Variants in PARD3B observed in about 807,000 individuals in gnomAD.
PARD3B encodes par-3 family cell polarity regulator beta, also known as partitioning defective 3 homolog B.
PARD3B carries 103 observed loss-of-function variants against 130.2 expected under a neutral mutation model. The ratio of observed to expected loss-of-function variants is 0.79; its 90% CI spans 0.67 to 0.93. The LOEUF is 0.93. Among genes scored for constraint, PARD3B ranks in the 40% least tolerant of loss-of-function variants. The probability of loss-of-function intolerance (pLI) is 0.00; values close to 1 mark genes in which losing one functional copy is unlikely to be tolerated. For missense variants in PARD3B, 1,609 were observed against 1,499.2 expected (o/e 1.07, Z -1.21); for synonymous variants, 583 against 553.2 (o/e 1.05, Z -0.76).
chr2:205,018,483 T>C (rs527284680), intron 3 of PARD3B, among the ~76,000 whole-genome samples: 1 of 152,154 alleles, frequency 6.6e-6, no homozygotes, highest in Non-Finnish European at 1.5e-5. Context: ...AATAAGAGCA[T>C]TGGACTTGAT....
chr2:205,032,256 G>A (rs1697479748), intron 3 of PARD3B, among the ~76,000 whole-genome samples: 1 of 151,980 alleles, frequency 6.6e-6, no homozygotes, highest in African/African-American at 2.4e-5. Context: ...CTTGTGTAAT[G>A]GGCCTATCTA....
chr2:205,076,095 C>T (rs1206346466), intron 4 of PARD3B, among the ~76,000 whole-genome samples: 7 of 152,160 alleles, frequency 4.6e-5, no homozygotes, highest in Admixed American at 4.6e-4. Flanking sequence ...TACCTAACTT[C>T]ATGATGCAGA....
intron 21 of PARD3B, among the ~76,000 whole-genome samples, chr2:205,529,665 GCT>G (rs1313593364): frequency 4.6e-5 from 7 of 152,134 alleles, no homozygotes; most frequent in African/African-American, 1.4e-4. Flanking sequence ...TGAGTTAGTA[GCT>G]TTTTGGACAT....
chr2:204,828,064 A>G (rs2043658525), intron 2 of PARD3B, among the ~76,000 whole-genome samples: 1 of 151,678 alleles, frequency 6.6e-6, no homozygotes, highest in Admixed American at 6.6e-5. Context: ...AGAGCGTAAA[A>G]TGTAGTGCAT....
intron 18 of PARD3B, among the ~76,000 whole-genome samples, chr2:205,324,016 C>T (rs1360377619): frequency 6.6e-6 from 1 of 152,174 alleles, no homozygotes; most frequent in African/African-American, 2.4e-5. Context: ...GCTGTCACAA[C>T]TCAGACCAAG....
chr2:205,459,795 G>A (rs904241644), intron 20 of PARD3B, among the ~76,000 whole-genome samples: 6 of 152,064 alleles, frequency 3.9e-5, no homozygotes, highest in East Asian at 3.9e-4. Context: ...TCCTTCTCTC[G>A]TGGCTCATGT....
intron 21 of PARD3B, among the ~76,000 whole-genome samples, chr2:205,549,803 A>G (rs74755467): frequency 0.041 from 6,214 of 152,286 alleles, 176 homozygotes; most frequent in Non-Finnish European, 0.058. Flanking sequence ...TAATGTGTCA[A>G]TGTAAGTTAA....
chr2:205,369,786 T>C (rs1399533422), intron 18 of PARD3B, among the ~76,000 whole-genome samples: 6 of 152,210 alleles, frequency 3.9e-5, no homozygotes, highest in African/African-American at 1.4e-4. Context: ...GGCTTAACTT[T>C]TACATTCTTA....
chr2:205,139,552 T>C (rs1375867775), intron 10 of PARD3B, among the ~76,000 whole-genome samples: 2 of 152,186 alleles, frequency 1.3e-5, no homozygotes, highest in African/African-American at 4.8e-5. Flanking sequence ...ATTAATGCAA[T>C]TATTAACTTG....
Position 205,267,122 on chromosome 2 carries a change from T to G in PARD3B, c.2185+21300T>G, listed in dbSNP as rs74523929. Among the ~76,000 whole-genome samples the G allele has an allele frequency of 7.1e-3, 1,082 of 152,308 alleles. 12 individuals are homozygous for G. The highest frequency in any genetic ancestry group is 0.025 in the African/African-American group (1,030 of 41,574). The stretch of plus-strand genomic sequence containing the variant: ...TTTACAAATGCATACTTCGGATTTA[T>G]TTTCAAAGGGGAGAAATCATTCTAA... On this transcript the variant is annotated intron_variant, in intron 16 of 22. Transcript: ENST00000406610.
intron 6 of PARD3B, among the ~76,000 whole-genome samples, chr2:205,115,828 CT>C (rs1474924588): frequency 6.6e-6 from 1 of 152,110 alleles, no homozygotes; most frequent in African/African-American, 2.4e-5. Context: ...ATACTTTGCT[CT>C]TAATTTCCTT....
chr2:204,935,146 C>CT (rs71032422), intron 2 of PARD3B, among the ~76,000 whole-genome samples: 18,766 of 138,488 alleles, frequency 0.14, 1,361 homozygotes, highest in Non-Finnish European at 0.17. Context: ...GTTTTCCCTA[C>CT]TTTTTTTTTT....
At chr2:205,267,829 A>G (rs1264145108) in intron 16 of PARD3B, among the ~76,000 whole-genome samples, 2 of 152,208 alleles carry the variant, frequency 1.3e-5, no homozygotes, top group Non-Finnish European at 2.9e-5. Context: ...TATTCTAAGC[A>G]TGTCCTTCAG....
At chr2:205,025,743 C>T (rs922583218) in intron 3 of PARD3B, among the ~76,000 whole-genome samples, 2 of 152,054 alleles carry the variant, frequency 1.3e-5, no homozygotes, top group Non-Finnish European at 2.9e-5. Context: ...AATACCAGCC[C>T]GGTTCTGACA....
chr2:204,649,552 C>G (rs1292295818), intron 1 of PARD3B, among the ~76,000 whole-genome samples: 1 of 151,562 alleles, frequency 6.6e-6, no homozygotes, highest in African/African-American at 2.4e-5. Context: ...ACAACACCAC[C>G]ACCACCACCC....
chr2:204,646,915 A>T (rs2035295821), intron 1 of PARD3B, among the ~76,000 whole-genome samples: 2 of 152,068 alleles, frequency 1.3e-5, no homozygotes, highest in African/African-American at 4.8e-5. Flanking sequence ...CACTTACATT[A>T]TCCTACAGTT....
rs2046457596 is a variant in PARD3B at position 205,407,730 on chromosome 2, C to CA, written c.2741+6610dup. ...CTGAGAAAAATATCTCCACTGACAC[C>CA]AAAGACTGTCTTCCATTGAAGTCCC... On this transcript the variant is annotated intron_variant, in intron 19 of 22. Transcript: ENST00000406610. The surrounding 1 kb of genome is among the most constrained non-coding windows in gnomAD (Gnocchi z 4.1). Among the ~76,000 whole-genome samples the CA allele has an allele frequency of 6.6e-6, 1 of 151,984 alleles. No homozygotes were observed. The highest frequency in any genetic ancestry group is 2.1e-4 in the South Asian group (1 of 4,810).
intron 19 of PARD3B, among the ~76,000 whole-genome samples, chr2:205,427,523 G>C (rs951321242): frequency 1.3e-5 from 2 of 152,070 alleles, no homozygotes; most frequent in Non-Finnish European, 2.9e-5. Flanking sequence ...ATGTAAAAAA[G>C]CAAAGTATAG....
chr2:205,526,687 T>G (rs1228717142), intron 21 of PARD3B, among the ~76,000 whole-genome samples: 1 of 152,186 alleles, frequency 6.6e-6, no homozygotes, highest in African/African-American at 2.4e-5. Flanking sequence ...GATGGTGAAT[T>G]AATTGACATG....
Sources: gnomAD v4.1 joint callset for allele counts (sites outside exome capture counted in the v4.1 genomes callset) on GRCh38, gnomAD v4.1.1 for gene constraint, Gnocchi (gnomAD v3.1) non-coding constraint, MANE v1.5 for transcripts, NCBI Gene and HGNC (gene_info 2026-07-23, HGNC 2026-07-21) for gene names.